Variants in TYR observed in about 807,000 individuals in gnomAD.
The protein encoded by TYR is LB24-AB.
TYR carries 58 observed loss-of-function variants against 51.5 expected under a neutral mutation model. The ratio of observed to expected loss-of-function variants is 1.13; its 90% confidence interval spans 0.91 to 1.40. The LOEUF (loss-of-function observed/expected upper bound fraction) is 1.40. TYR is among the 40% of genes most tolerant of loss of function. The pLI is 0.00. For missense variants in TYR, 732 were observed against 647.4 expected, an observed-to-expected ratio of 1.13 and a Z score of -1.42; for synonymous variants, 263 against 235.2, an observed-to-expected ratio of 1.12 and a Z score of -1.08.
intron 2 of TYR, among the ~76,000 whole-genome samples, chr11:89,193,585 C>G (rs143668154): frequency 6.6e-6 from 1 of 152,000 alleles, no homozygotes; most frequent in African/African-American, 2.4e-5. Flanking sequence ...TATCTGATAA[C>G]CGAGTATGTA....
chr11:89,239,298 A>T (rs191921686), intron 3 of TYR, among the ~76,000 whole-genome samples: 2 of 151,822 alleles, frequency 1.3e-5, no homozygotes, highest in African/African-American at 2.4e-5. Flanking sequence ...TTCATGATTC[A>T]GTTTTGGACA....
chr11:89,213,601 T>C (rs1241309091), intron 2 of TYR, among the ~76,000 whole-genome samples: 1 of 152,118 alleles, frequency 6.6e-6, no homozygotes, highest in Non-Finnish European at 1.5e-5. Context: ...AAAGATCATA[T>C]GGAACCAAAA....
At chr11:89,197,167 G>A (rs899516138) in intron 2 of TYR, among the ~76,000 whole-genome samples, 16 of 152,162 alleles carry the variant, frequency 1.1e-4, no homozygotes, top group African/African-American at 3.9e-4. Context: ...AGGTGTGAAA[G>A]TGTGAGATGA....
At chr11:89,291,496 AAATT>A (rs771127578) in intron 4 of TYR, among the ~76,000 whole-genome samples, 4 of 151,994 alleles carry the variant, frequency 2.6e-5, no homozygotes, top group Non-Finnish European at 5.9e-5. Context: ...TTATTTTGGA[AAATT>A]AATAGAATAA....
intron 3 of TYR, among the ~76,000 whole-genome samples, chr11:89,253,465 C>A (rs544804213): frequency 6.6e-6 from 1 of 151,770 alleles, no homozygotes; most frequent in South Asian, 2.1e-4. Flanking sequence ...GAATGTGTTT[C>A]CATTTGTTTG....
At chr11:89,259,158 G>A (rs538099924) in intron 3 of TYR, among the ~76,000 whole-genome samples, 2 of 152,078 alleles carry the variant, frequency 1.3e-5, no homozygotes, top group African/African-American at 2.4e-5. Context: ...TCTAGAATTC[G>A]TAACATTTAC....
chr11:89,220,000 T>G (rs1943886240), intron 2 of TYR, among the ~76,000 whole-genome samples: 1 of 152,222 alleles, frequency 6.6e-6, no homozygotes. Context: ...AATGGCTTTA[T>G]ATCAACTGAA....
At position 89,178,412 on chromosome 11, in the gene TYR, A is replaced by T. The variant is rs528817446; in HGVS notation, c.459A>T (p.Ile153=). The T allele has an allele frequency of 6.2e-7, 1 of 1,614,030 alleles. No individual in the cohort carries two copies. The highest frequency in any genetic ancestry group is 1.7e-5 in the Admixed American group (1 of 60,010). The change falls in exon 1 of 5, where the codon ATA becomes ATT. Residue 153 remains isoleucine, a synonymous_variant. Transcript: ENST00000263321. ...HTISSDYVIP[I]GTYGQMKNGS... is the part of the protein sequence containing the mutation. ...TCAGCTCAGACTATGTCATCCCCAT[A>T]GGGACCTATGGCCAAATGAAAAATG...
rs201920649 is a variant in TYR at position 89,178,707 on chromosome 11, A to G, written c.754A>G (p.Met252Val). The G allele has an allele frequency of 1.5e-5, 24 of 1,614,110 alleles. No individual in the cohort carries two copies. The African/African-American group carries it at 2.7e-4, about 18-fold the overall frequency. The change falls in exon 1 of 5, where the codon ATG becomes GTG. Residue 252 changes from methionine (M) to valine (V), a missense_variant. Transcript: ENST00000263321. ...EKCDICTDEY[M>V]GGQHPTNPNL... ...GTGTGACATTTGCACAGATGAGTAC[A>G]TGGGAGGTCAGCACCCCACAAATCC...
intron 1 of TYR, among the ~76,000 whole-genome samples, chr11:89,189,963 C>T (rs76659282): frequency 0.034 from 5,145 of 152,172 alleles, 140 homozygotes; most frequent in African/African-American, 0.072. Flanking sequence ...TCCTGTCACC[C>T]AGTGACATCA....
intron 3 of TYR, among the ~76,000 whole-genome samples, chr11:89,270,966 C>A (rs1310066019): frequency 6.6e-6 from 1 of 151,644 alleles, no homozygotes; most frequent in Admixed American, 6.6e-5. Context: ...AACTGCAATG[C>A]AATATGACAA....
chr11:89,266,968 C>G (rs76078229), intron 3 of TYR, among the ~76,000 whole-genome samples: 3 of 151,830 alleles, frequency 2.0e-5, no homozygotes, highest in Admixed American at 2.0e-4. Flanking sequence ...GAATGATATC[C>G]TTTTGTCTGG....
At chr11:89,294,100 G>A (rs1406406037) in intron 4 of TYR, 1 of 157,954 alleles carries the variant, frequency 6.3e-6, no homozygotes, top group Admixed American at 6.5e-5. Context: ...TTTTCTGCGG[G>A]TTCCCAAGTA....
At chr11:89,191,925 G>A (rs534796642) in intron 2 of TYR, 17 of 371,898 alleles carry the variant, frequency 4.6e-5, no homozygotes, top group South Asian at 3.4e-4. Context: ...AGAACATTTT[G>A]TATTGTGGAA....
At chr11:89,221,293 A>T (rs1380786587) in intron 2 of TYR, among the ~76,000 whole-genome samples, 2 of 152,210 alleles carry the variant, frequency 1.3e-5, no homozygotes, top group East Asian at 3.8e-4. Flanking sequence ...GCTCTGCTGT[A>T]ATAATTACAT....
chr11:89,270,544 T>A (rs1369297170), intron 3 of TYR, among the ~76,000 whole-genome samples: 1 of 151,910 alleles, frequency 6.6e-6, no homozygotes, highest in Non-Finnish European at 1.5e-5. Flanking sequence ...GGCACTGTCC[T>A]AACTGATGGG....
chr11:89,251,547 CA>C (rs1209998343), intron 3 of TYR, among the ~76,000 whole-genome samples: 1 of 151,730 alleles, frequency 6.6e-6, no homozygotes, highest in African/African-American at 2.4e-5. Flanking sequence ...TTACTAAATT[CA>C]AAAAGTCAAA....
chr11:89,294,239 T>G (rs1944880965), intron 4 of TYR: 1 of 152,784 alleles, frequency 6.5e-6, no homozygotes, highest in South Asian at 2.1e-4. Context: ...CTTTTCATTC[T>G]GTTTTCTTTT....
chr11:89,286,042 G>T (rs914801687), intron 4 of TYR, among the ~76,000 whole-genome samples: 2 of 151,832 alleles, frequency 1.3e-5, no homozygotes, highest in Non-Finnish European at 2.9e-5. Context: ...ACCTGAAGAA[G>T]CTCCAGTGTG....
Sources: allele counts gnomAD v4.1 joint callset (sites outside exome capture counted in the v4.1 genomes callset), GRCh38; gene constraint gnomAD v4.1.1; transcripts MANE v1.5; gene names NCBI Gene and HGNC (gene_info 2026-07-23, HGNC 2026-07-21).